ZDHHC21: variants seen among roughly 807,000 people sequenced by gnomAD.
The protein encoded by ZDHHC21 is zDHHC palmitoyltransferase 21.
In ZDHHC21, 15 loss-of-function variants were observed where a neutral mutation model predicts 34.6. The observed-to-expected ratio is 0.43, with a 90% CI of 0.29 to 0.67. The LOEUF (loss-of-function observed/expected upper bound fraction) is 0.67. ZDHHC21 is among the 30% of genes least tolerant of loss of function. The pLI, the probability that ZDHHC21 is intolerant of heterozygous loss-of-function variation, is 0.14. For missense variants in ZDHHC21, 344 were observed against 327.7 expected (o/e 1.05, Z -0.38); for synonymous variants, 142 against 101.8 (o/e 1.40, Z -2.38).
chr9:14,640,627 TA>T (rs1263608973), intron 7 of ZDHHC21, among the ~76,000 whole-genome samples: 1 of 152,066 alleles, frequency 6.6e-6, no homozygotes, highest in Non-Finnish European at 1.5e-5. Flanking sequence ...GTATAAATGA[TA>T]AAAATATGGT....
chr9:14,659,801 G>A (rs1833013825), intron 6 of ZDHHC21, among the ~76,000 whole-genome samples: 1 of 152,160 alleles, frequency 6.6e-6, no homozygotes, highest in Admixed American at 6.5e-5. Context: ...ATTTAAGAGT[G>A]CATGTTTTGT....
intron 1 of ZDHHC21, among the ~76,000 whole-genome samples, chr9:14,692,643 G>A (rs571831586): frequency 6.6e-6 from 1 of 152,248 alleles, no homozygotes; most frequent in Non-Finnish European, 1.5e-5. Context: ...CTGTTACAGT[G>A]AACAGTAACA....
chr9:14,618,104 T>C lies in ZDHHC21; in HGVS notation c.*862A>G, dbSNP rs1824594870. On this transcript the variant is annotated 3_prime_UTR_variant, in exon 10 of 10. Transcript: ENST00000380916. ...TTTTAAAAACATATGCATTCTAATA[T>C]AACTGCACTAGAAAAGGTAATTGTG... 1 of 152,558 alleles carries C rather than the reference T, an allele frequency of 6.6e-6. No individual in the cohort carries two copies. Among genetic ancestry groups the C allele is most frequent in the African/African-American group, 2.4e-5 (1 of 41,436 alleles). 9.5% of individuals were successfully genotyped at this position (152,558 alleles called of 1,614,324 possible).
At chr9:14,623,870 G>C (rs1039854576) in intron 8 of ZDHHC21, among the ~76,000 whole-genome samples, 1 of 152,044 alleles carries the variant, frequency 6.6e-6, no homozygotes, top group African/African-American at 2.4e-5. Flanking sequence ...GTGGAGAAAA[G>C]GGAACCCTTA....
intron 5 of ZDHHC21, among the ~76,000 whole-genome samples, chr9:14,671,021 G>A (rs1486020558): frequency 6.6e-6 from 1 of 151,800 alleles, no homozygotes; most frequent in Admixed American, 6.6e-5. Flanking sequence ...AAGACTATGA[G>A]AAAAAGAATT....
At chr9:14,629,970 C>A (rs1213853271) in intron 8 of ZDHHC21, among the ~76,000 whole-genome samples, 1 of 152,054 alleles carries the variant, frequency 6.6e-6, no homozygotes, top group African/African-American at 2.4e-5. Flanking sequence ...CGCTTAAACC[C>A]GAGAGACAGA....
intron 7 of ZDHHC21, among the ~76,000 whole-genome samples, chr9:14,651,836 T>C (rs1334856457): frequency 2.0e-5 from 3 of 151,950 alleles, no homozygotes; most frequent in Non-Finnish European, 4.4e-5. Flanking sequence ...AATAGTCAAA[T>C]ATGGACCTTG....
At chr9:14,676,529 A>T (rs1836411602) in intron 3 of ZDHHC21, among the ~76,000 whole-genome samples, 1 of 152,050 alleles carries the variant, frequency 6.6e-6, no homozygotes, top group Non-Finnish European at 1.5e-5. Context: ...AAACAAAAAA[A>T]GAACTCAAAT....
rs558577263 is a variant in ZDHHC21 at position 14,617,183 on chromosome 9, T to G, written c.*1783A>C. 6.6e-6 allele frequency: 1 copy of G among 152,104 alleles called. No homozygotes were observed. Among genetic ancestry groups the G allele is most frequent in the African/African-American group, 2.4e-5 (1 of 41,568 alleles). The allele number at this position is 152,104 out of a possible 1,614,324, so 9.4% of individuals were successfully genotyped here. On this transcript the variant is annotated 3_prime_UTR_variant, in exon 10 of 10. Coordinates refer to ENST00000380916, the MANE Select transcript of ZDHHC21 (RefSeq NM_178566.6). Reference sequence around the variant, plus strand: ...AGCTTGCACAAAATCCAAACCCTTGTGCCTGACATGAACATTCTAATTTTG... The same window carrying G: ...AGCTTGCACAAAATCCAAACCCTTGGGCCTGACATGAACATTCTAATTTTG...
the ZDHHC21 span, among the ~76,000 whole-genome samples, chr9:14,593,239 A>G: frequency 6.6e-6 from 1 of 152,170 alleles, no homozygotes; most frequent in Non-Finnish European, 1.5e-5. Flanking sequence ...AAATTGACAA[A>G]CCTTTAAGTA....
At chr9:14,647,925 C>T (rs1326345841) in intron 7 of ZDHHC21, among the ~76,000 whole-genome samples, 2 of 152,104 alleles carry the variant, frequency 1.3e-5, no homozygotes, top group Admixed American at 6.6e-5. Context: ...CTCAGACCAC[C>T]CCATTGAAAT....
chr9:14,623,078 G>A (rs796456297), intron 8 of ZDHHC21, among the ~76,000 whole-genome samples: 2 of 147,780 alleles, frequency 1.4e-5, no homozygotes, highest in African/African-American at 5.1e-5. Flanking sequence ...ACTACTGGAA[G>A]AAAACATAGA....
chr9:14,648,390 A>C (rs1247388056), intron 7 of ZDHHC21, among the ~76,000 whole-genome samples: 3 of 151,942 alleles, frequency 2.0e-5, no homozygotes, highest in Non-Finnish European at 4.4e-5. Flanking sequence ...AGTCCCAACC[A>C]CTAACCATCT....
chr9:14,619,191 G>T, intron 9 of ZDHHC21, 93 bp from the exon 10 acceptor site: 1 of 1,324,416 alleles, frequency 7.6e-7, no homozygotes. Context: ...ATCCATTACT[G>T]GACTCTGATG....
the ZDHHC21 span, among the ~76,000 whole-genome samples, chr9:14,590,681 A>C: frequency 1.3e-5 from 2 of 152,088 alleles, no homozygotes; most frequent in African/African-American, 4.8e-5. Flanking sequence ...TGAAAGAAAA[A>C]TTTTTCAGAC....
intron 8 of ZDHHC21, among the ~76,000 whole-genome samples, chr9:14,620,257 T>C (rs1564194003): frequency 1.3e-5 from 2 of 151,956 alleles, no homozygotes; most frequent in African/African-American, 2.4e-5. Flanking sequence ...TCCCTAATTG[T>C]ATGCTTTCTG....
the ZDHHC21 span, among the ~76,000 whole-genome samples, chr9:14,603,330 G>C: frequency 6.6e-6 from 1 of 151,988 alleles, no homozygotes; most frequent in Non-Finnish European, 1.5e-5. Flanking sequence ...CCTCCTATTT[G>C]AGGTACCATT....
intron 8 of ZDHHC21, among the ~76,000 whole-genome samples, chr9:14,635,837 G>A (rs958638279): frequency 6.6e-6 from 1 of 152,124 alleles, no homozygotes; most frequent in Non-Finnish European, 1.5e-5. Context: ...CTCTAGCCTA[G>A]GCAATAGAGC....
At chr9:14,637,835 A>G (rs763533691) in intron 8 of ZDHHC21, among the ~76,000 whole-genome samples, 60 of 152,186 alleles carry the variant, frequency 3.9e-4, no homozygotes, top group Non-Finnish European at 7.4e-4. Context: ...GAGGTGAAAG[A>G]TCTCTATAAG....
Sources: gnomAD v4.1 joint callset for allele counts (sites outside exome capture counted in the v4.1 genomes callset) on GRCh38, gnomAD v4.1.1 for gene constraint, MANE v1.5 for transcripts, NCBI Gene and HGNC (gene_info 2026-07-23, HGNC 2026-07-21) for gene names.